Variants in ATP6V1A observed in about 807,000 individuals in gnomAD.
The protein encoded by ATP6V1A is V-type proton ATPase catalytic subunit A.
In ATP6V1A, 18 loss-of-function variants were observed where a neutral mutation model predicts 70.1. The ratio of observed to expected loss-of-function variants is 0.26; its 90% CI spans 0.18 to 0.38. The LOEUF is 0.38. ATP6V1A is among the 10% of genes least tolerant of loss of function. ATP6V1A has a pLI of 1.00. For missense variants in ATP6V1A, 424 were observed against 772.4 expected, an observed-to-expected ratio of 0.55 and a Z score of 5.35; for synonymous variants, 232 against 253.8, an observed-to-expected ratio of 0.91 and a Z score of 0.82.
At chr3:113,750,153 T>C (rs1708569705) in intron 1 of ATP6V1A, among the ~76,000 whole-genome samples, 1 of 152,156 alleles carries the variant, frequency 6.6e-6, no homozygotes, top group South Asian at 2.1e-4. Flanking sequence ...GTTTGATACT[T>C]AGGAACCTTC....
chr3:113,763,831 T>C (rs1559750329), intron 1 of ATP6V1A, among the ~76,000 whole-genome samples: 1 of 149,760 alleles, frequency 6.7e-6, no homozygotes, highest in East Asian at 2.0e-4. Context: ...AGGTGAAATA[T>C]GGTGTTAACT....
chr3:113,784,893 A>G (rs1709021008), intron 5 of ATP6V1A, 60 bp downstream of exon 5: 1 of 1,532,098 alleles, frequency 6.5e-7, no homozygotes, highest in Middle Eastern at 1.7e-4. Context: ...ATAGCTGCCC[A>G]GTTTTAGTGC....
At chr3:113,782,524 T>TTCTCTCTCTCTC (rs35128741) in intron 3 of ATP6V1A, among the ~76,000 whole-genome samples, 10 of 140,238 alleles carry the variant, frequency 7.1e-5, no homozygotes, top group African/African-American at 2.6e-4. Flanking sequence ...TTTCTTTCCT[T>TTCTCTCTCTCTC]TCTCTCTCTC....
intron 14 of ATP6V1A, among the ~76,000 whole-genome samples, chr3:113,808,727 A>G (rs12637066): frequency 0.33 from 50,378 of 152,102 alleles, 8,499 homozygotes; most frequent in Non-Finnish European, 0.36. Flanking sequence ...AGTCATGTTC[A>G]TCTAATATAT....
intron 2 of ATP6V1A, 131 bp downstream of exon 2, chr3:113,778,966 T>C (rs548093065): frequency 2.1e-5 from 12 of 564,592 alleles, no homozygotes; most frequent in Non-Finnish European, 3.2e-5. Context: ...GGCGATCTCA[T>C]AGTGACTATA....
chr3:113,798,690 A>G (rs1416567008), intron 12 of ATP6V1A, among the ~76,000 whole-genome samples: 7 of 152,200 alleles, frequency 4.6e-5, no homozygotes, highest in African/African-American at 1.7e-4. Flanking sequence ...ACCAAATTAG[A>G]GGTAGTAGAT....
chr3:113,797,950 T>C (rs1348404618), intron 11 of ATP6V1A, among the ~76,000 whole-genome samples: 1 of 151,998 alleles, frequency 6.6e-6, no homozygotes, highest in East Asian at 1.9e-4. Flanking sequence ...CTAGCCAACA[T>C]GGTGAAACCC....
At chr3:113,785,897 G>T (rs1477048246) in intron 5 of ATP6V1A, among the ~76,000 whole-genome samples, 1 of 144,408 alleles carries the variant, frequency 6.9e-6, no homozygotes, top group Non-Finnish European at 1.5e-5. Context: ...AGGAGATGGG[G>T]TGTCACTATG....
chr3:113,767,862 A>G (rs556392928), intron 1 of ATP6V1A, among the ~76,000 whole-genome samples: 1 of 152,292 alleles, frequency 6.6e-6, no homozygotes, highest in South Asian at 2.1e-4. Context: ...CATCTTGGCC[A>G]GGCAAGTCTT....
chr3:113,751,984 T>C (rs905417252), intron 1 of ATP6V1A, among the ~76,000 whole-genome samples: 4 of 151,934 alleles, frequency 2.6e-5, no homozygotes, highest in African/African-American at 9.7e-5. Flanking sequence ...AAACACTTTC[T>C]TATATCTTAA....
intron 1 of ATP6V1A, among the ~76,000 whole-genome samples, chr3:113,775,484 C>T (rs375776229): frequency 6.6e-6 from 1 of 152,024 alleles, no homozygotes; most frequent in African/African-American, 2.4e-5. Context: ...CCCACCTCGG[C>T]CCCCCCAAGT....
intron 13 of ATP6V1A, 30 bp from the exon 14 acceptor site, chr3:113,805,322 TTG>T (rs1336320120): frequency 1.2e-6 from 2 of 1,600,752 alleles, no homozygotes; most frequent in Non-Finnish European, 1.7e-6. Context: ...GAGTTTATTT[TTG>T]TTAATTTTTT....
chr3:113,758,371 G>A (rs951545133), intron 1 of ATP6V1A, among the ~76,000 whole-genome samples: 1 of 152,126 alleles, frequency 6.6e-6, no homozygotes, highest in Non-Finnish European at 1.5e-5. Context: ...TCAATATAGT[G>A]AACATATCCA....
intron 14 of ATP6V1A, among the ~76,000 whole-genome samples, 189 bp from the exon 15 acceptor site, chr3:113,809,146 T>C (rs1241465765): frequency 6.6e-6 from 1 of 151,924 alleles, no homozygotes; most frequent in East Asian, 1.9e-4. Flanking sequence ...TCCCAACTAC[T>C]TGGGAGGCTG....
chr3:113,782,663 G>A (rs970874142), intron 3 of ATP6V1A, among the ~76,000 whole-genome samples: 27 of 147,858 alleles, frequency 1.8e-4, no homozygotes, highest in East Asian at 6.0e-4. Flanking sequence ...TCACTCTGTC[G>A]CCCAGGCTGG....
intron 1 of ATP6V1A, among the ~76,000 whole-genome samples, chr3:113,759,152 AGTTT>A: frequency 6.6e-6 from 1 of 152,180 alleles, no homozygotes; most frequent in Admixed American, 6.5e-5. Context: ...TTTGAAGTCC[AGTTT>A]ACCATTTTAT....
chr3:113,779,249 C>T (rs1233181119), intron 2 of ATP6V1A: 1 of 152,746 alleles, frequency 6.5e-6, no homozygotes, highest in East Asian at 1.9e-4. Context: ...GAGCATTTCT[C>T]AGCAATATTA....
At chr3:113,754,278 C>A (rs1708622860) in intron 1 of ATP6V1A, among the ~76,000 whole-genome samples, 1 of 152,214 alleles carries the variant, frequency 6.6e-6, no homozygotes, top group Admixed American at 6.5e-5. Flanking sequence ...AATCCCAGCA[C>A]TTTGGGAGGC....
chr3:113,795,249 GATGTATTAAAGAGAGAAAAAAAGTCACTT>G, intron 10 of ATP6V1A, 45 bp downstream of exon 10: 1 of 1,584,862 alleles, frequency 6.3e-7, no homozygotes. Context: ...AAAAGTCACA[GATGTATTAAAGAGAGAAAAAAAGTCACTT>G]ATTTTAAAGA....
Sources: gnomAD v4.1 joint callset for allele counts (sites outside exome capture counted in the v4.1 genomes callset) on GRCh38, gnomAD v4.1.1 for gene constraint, MANE v1.5 for transcripts, NCBI Gene and HGNC (gene_info 2026-07-23, HGNC 2026-07-21) for gene names.